BMPER: variants seen among roughly 807,000 people sequenced by gnomAD.
BMPER encodes BMP binding endothelial regulator.
BMPER carries 45 observed loss-of-function variants against 87.3 expected under a neutral mutation model. The ratio of observed to expected loss-of-function variants is 0.52; its 90% CI spans 0.41 to 0.66. BMPER has a LOEUF of 0.66. Among genes scored for constraint, BMPER ranks in the 30% least tolerant of loss-of-function variants. The pLI, the probability that BMPER is intolerant of heterozygous loss-of-function variation, is 0.00. For synonymous variants in BMPER, 326 were observed against 316.2 expected (o/e 1.03, Z -0.33); for missense variants, 784 against 867.5 (o/e 0.90, Z 1.21).
At chr7:33,997,200 C>T (rs1017015079) in intron 6 of BMPER, among the ~76,000 whole-genome samples, 1 of 152,202 alleles carries the variant, frequency 6.6e-6, no homozygotes. Flanking sequence ...TCATGTCCCC[C>T]TCTGCTTCAG....
intron 3 of BMPER, among the ~76,000 whole-genome samples, chr7:33,959,806 A>G (rs1364208926): frequency 6.6e-6 from 1 of 152,222 alleles, no homozygotes; most frequent in Non-Finnish European, 1.5e-5. Context: ...CTATTATGAT[A>G]CTATAAAGTT....
chr7:33,996,330 CTG>C (rs1398340847), intron 6 of BMPER, among the ~76,000 whole-genome samples: 2 of 152,246 alleles, frequency 1.3e-5, no homozygotes, highest in East Asian at 3.9e-4. Context: ...TCCTGCATAG[CTG>C]AGTGATTTTT....
chr7:34,064,595 G>A (rs1161799736), intron 11 of BMPER, among the ~76,000 whole-genome samples: 3 of 152,184 alleles, frequency 2.0e-5, no homozygotes, highest in Non-Finnish European at 4.4e-5. Context: ...ACTGAGAGAG[G>A]CAATTGGCAA....
chr7:34,108,265 G>T (rs1245922543), intron 13 of BMPER, among the ~76,000 whole-genome samples: 2 of 152,126 alleles, frequency 1.3e-5, no homozygotes, highest in Non-Finnish European at 2.9e-5. Context: ...GTACACTTCT[G>T]TTTTTTTCAG....
chr7:33,911,952 C>G lies in BMPER; in HGVS notation c.219+5049C>G, dbSNP rs1203149378. ...GAGACATAGGAATAATGATGGCAAA[C>G]CCACCCATTGTTACGCATGAACAAG... is the stretch of plus-strand genomic sequence containing the variant. On this transcript the variant is annotated intron_variant, in intron 2 of 14. Coordinates refer to ENST00000649409, the MANE Select transcript of BMPER (RefSeq NM_001365308.1). Among the ~76,000 whole-genome samples, 5 of 152,086 alleles carry G rather than the reference C, an allele frequency of 3.3e-5. No individual in the cohort carries two copies. In the South Asian group the frequency reaches 1.0e-3, roughly 32 times the overall value.
In BMPER at chr7:34,061,608, G is replaced by A. The variant is rs899849970; in HGVS notation, c.1033-394G>A. Among the ~76,000 whole-genome samples the A allele has an allele frequency of 5.3e-5, 8 of 152,138 alleles. No homozygotes were observed. The South Asian group carries it at 1.4e-3, about 28-fold the overall frequency. On this transcript the variant is annotated intron_variant, in intron 10 of 14. Coordinates refer to ENST00000649409, the MANE Select transcript of BMPER (RefSeq NM_001365308.1). ...AAAGACAGAAAGAAGGTCTTGTAGG[G>A]TTCGCTAGGTTGACAGATAATTCTC...
intron 13 of BMPER, among the ~76,000 whole-genome samples, chr7:34,117,093 G>A (rs116314564): frequency 8.7e-4 from 132 of 152,012 alleles, no homozygotes; most frequent in African/African-American, 2.9e-3. Flanking sequence ...AATTATTTAA[G>A]GCTAGAGGGG....
At position 34,036,888 on chromosome 7, in the gene BMPER, A is replaced by G. The variant is rs182709224; in HGVS notation, c.577-9418A>G. 4.8e-3 allele frequency among the ~76,000 whole-genome samples: 737 copies of G among 152,284 alleles called. 4 individuals are homozygous for G. Among genetic ancestry groups the G allele is most frequent in the Non-Finnish European group, 7.8e-3 (530 of 68,018 alleles). ...TCTTTCTTTTTCAAAGAAAAAACGT[A>G]AAAGAAAACAAACACATGAACAAAC... On this transcript the variant is annotated intron_variant, in intron 6 of 14. Transcript: ENST00000649409.
At chr7:33,905,388 A>G, upstream of BMPER, 1 of 388,206 alleles carries the variant, frequency 2.6e-6, no homozygotes, top group South Asian at 2.5e-5. Context: ...GCATCGGAGG[A>G]GCCTGGCCGC....
chr7:34,031,256 A>G (rs904723128), intron 6 of BMPER, among the ~76,000 whole-genome samples: 15 of 152,092 alleles, frequency 9.9e-5, no homozygotes, highest in Admixed American at 4.6e-4. Context: ...GGGAACACCA[A>G]TCTGTTTGTG....
chr7:34,149,613 C>T (rs182405003), intron 14 of BMPER, among the ~76,000 whole-genome samples: 4 of 151,724 alleles, frequency 2.6e-5, no homozygotes, highest in African/African-American at 9.7e-5. Context: ...ACATTTAGTG[C>T]CAGGAAGTGG....
chr7:34,007,666 A>G (rs1786769494), intron 6 of BMPER, among the ~76,000 whole-genome samples: 1 of 152,022 alleles, frequency 6.6e-6, no homozygotes, highest in South Asian at 2.1e-4. Context: ...TATTCCATTG[A>G]TAGATACAGG....
chr7:34,137,934 C>T (rs1425908456), intron 13 of BMPER, among the ~76,000 whole-genome samples: 2 of 152,098 alleles, frequency 1.3e-5, no homozygotes, highest in Admixed American at 6.5e-5. Flanking sequence ...ACCTATAAAT[C>T]CCTCTAGGAG....
chr7:34,019,107 T>C (rs939745544), intron 6 of BMPER, among the ~76,000 whole-genome samples: 3 of 152,016 alleles, frequency 2.0e-5, no homozygotes, highest in African/African-American at 4.8e-5. Context: ...ATGATGATCT[T>C]TGGGGAATGA....
intron 13 of BMPER, among the ~76,000 whole-genome samples, chr7:34,108,839 A>T (rs1409711712): frequency 6.6e-6 from 1 of 152,172 alleles, no homozygotes; most frequent in African/African-American, 2.4e-5. Flanking sequence ...TTCCTTGAAT[A>T]TTACATAGGT....
Position 33,938,982 on chromosome 7 carries a change from G to A in BMPER, c.319+1594G>A, listed in dbSNP as rs548959047. 2.2e-4 allele frequency among the ~76,000 whole-genome samples: 34 copies of A among 152,112 alleles called. No individual in the cohort carries two copies. In the South Asian group the frequency reaches 4.6e-3, roughly 20 times the overall value. ...AGAAGTTGCAGTGAGCCAAGATTGCGCCACTGCACTCCAGCCTGGGTGACG... is the reference window on the plus strand; with the variant it reads ...AGAAGTTGCAGTGAGCCAAGATTGCACCACTGCACTCCAGCCTGGGTGACG... On this transcript the variant is annotated intron_variant, in intron 3 of 14. Transcript: ENST00000649409.
In BMPER at chr7:34,155,557, A is replaced by C. The variant is rs1215992242; in HGVS notation, c.*2284A>C. 1 of 152,092 alleles carries C rather than the reference A, an allele frequency of 6.6e-6. No individual in the cohort carries two copies. The highest frequency in any genetic ancestry group is 1.5e-5 in the Non-Finnish European group (1 of 68,020). The allele number at this position is 152,092 out of a possible 1,614,324, so 9.4% of individuals were successfully genotyped here. A position where few individuals can be genotyped will look rare whatever the true frequency, so the allele number is the denominator to read the frequency against. ...CTGGGGATTAGCTTAATCTCTGTAC[A>C]TTTTTCTCATTTCTAATTGAAGAAG... On this transcript the variant is annotated 3_prime_UTR_variant, in exon 15 of 15. Coordinates refer to ENST00000649409, the MANE Select transcript of BMPER (RefSeq NM_001365308.1).
intron 13 of BMPER, among the ~76,000 whole-genome samples, chr7:34,141,299 G>A (rs1790861029): frequency 6.6e-6 from 1 of 152,042 alleles, no homozygotes; most frequent in Non-Finnish European, 1.5e-5. Flanking sequence ...TAATAAAAGT[G>A]GGGAGAAGTA....
At chr7:33,909,596 A>G (rs1185744570) in intron 2 of BMPER, among the ~76,000 whole-genome samples, 1 of 149,764 alleles carries the variant, frequency 6.7e-6, no homozygotes, top group Non-Finnish European at 1.5e-5. Flanking sequence ...GAAAATAGTC[A>G]TATTTAGTTT....
Sources: gnomAD v4.1 joint callset for allele counts (sites outside exome capture counted in the v4.1 genomes callset) on GRCh38, gnomAD v4.1.1 for gene constraint, MANE v1.5 for transcripts, NCBI Gene and HGNC (gene_info 2026-07-23, HGNC 2026-07-21) for gene names.